Variants in IFT20 observed in about 807,000 individuals in gnomAD.
IFT20 encodes intraflagellar transport 20.
A neutral mutation model predicts 16.9 loss-of-function variants in IFT20; 4 were observed. That is an observed-to-expected ratio of 0.24 (90% CI 0.12 to 0.54). The LOEUF (loss-of-function observed/expected upper bound fraction) is 0.54. Ranked by LOEUF, IFT20 falls within the 20% of genes least tolerant of loss-of-function variation. The pLI is 0.95. For synonymous variants in IFT20, 48 were observed against 49.9 expected (o/e 0.96, Z 0.16); for missense variants, 154 against 149.7 (o/e 1.03, Z -0.15).
chr17:28,329,412 G>C (rs1180087507), intron 3 of IFT20, 136 bp from the exon 4 acceptor site: 1 of 671,666 alleles, frequency 1.5e-6, no homozygotes, highest in Non-Finnish European at 2.6e-6. Context: ...AAGCTTTTGG[G>C]TTAAGTCAGA....
At chr17:28,329,507 C>G (rs1906588775) in intron 3 of IFT20, 1 of 485,064 alleles carries the variant, frequency 2.1e-6, no homozygotes, top group Non-Finnish European at 3.7e-6. Context: ...GAGCCAGGGA[C>G]ACAGGCACAA....
At chr17:28,332,969 CAG>C (rs1906886295) in intron 1 of IFT20, among the ~76,000 whole-genome samples, 2 of 152,014 alleles carry the variant, frequency 1.3e-5, no homozygotes, top group Admixed American at 6.6e-5. Context: ...AGAGAACTAA[CAG>C]AGATATCTTC....
chr17:28,330,676 A>T (rs1906718059), intron 2 of IFT20, 148 bp from the exon 3 acceptor site: 1 of 625,050 alleles, frequency 1.6e-6, no homozygotes, highest in East Asian at 2.8e-5. Flanking sequence ...GGTGGAGAGC[A>T]ACTGTAGTCC....
chr17:28,331,523 G>T, intron 2 of IFT20: 1 of 220,058 alleles, frequency 4.5e-6, no homozygotes, highest in Non-Finnish European at 9.0e-6. Flanking sequence ...TTTCTCTGAA[G>T]AAATCAAATC....
chr17:28,332,414 CCA>C, intron 1 of IFT20: 1 of 508,490 alleles, frequency 2.0e-6, no homozygotes, highest in South Asian at 2.1e-5. Flanking sequence ...AACTGAAAAA[CCA>C]CACTGCGTTA....
intron 1 of IFT20, chr17:28,332,357 C>T: frequency 1.4e-6 from 1 of 690,470 alleles, no homozygotes; most frequent in Non-Finnish European, 2.4e-6. Flanking sequence ...CAACACGGTG[C>T]CCGCCCTGAA....
chr17:28,330,561 C>A, intron 2 of IFT20, 33 bp from the exon 3 acceptor site: 1 of 1,423,814 alleles, frequency 7.0e-7, no homozygotes, highest in Admixed American at 1.7e-5. Context: ...TAAAATATTT[C>A]CTTAGTATCA....
In IFT20 at chr17:28,328,415, C is replaced by A; in HGVS notation, c.*237G>T. On this transcript the variant is annotated 3_prime_UTR_variant, in exon 5 of 5. Transcript: ENST00000395418. ...TGAAAGTTTACAAACTGCTTAGTTC[C>A]AACTAAGCATAAGAGGTGAGAACGT... 1 of 435,480 alleles carries A rather than the reference C, an allele frequency of 2.3e-6. No homozygotes were observed. The highest frequency in any genetic ancestry group is 4.1e-6 in the Non-Finnish European group (1 of 246,234). 27.0% of individuals were successfully genotyped at this position (435,480 alleles called of 1,614,324 possible).
chr17:28,334,982 G>A (rs922077582), intron 1 of IFT20, among the ~76,000 whole-genome samples: 1 of 151,994 alleles, frequency 6.6e-6, no homozygotes, highest in African/African-American at 2.4e-5. Context: ...CCCATCACAC[G>A]CGTGTCTGAG....
At position 28,330,490 on chromosome 17, in the gene IFT20, CAATT is replaced by C; in HGVS notation, c.162_165del (p.Ile55SerfsTer15). Reference sequence around the variant, plus strand: ...TCTTTTGCAAGTTGATCAACAAGCTCAATTAAACCACCAACTATTTTCTGAAACT... The same window carrying C: ...TCTTTTGCAAGTTGATCAACAAGCTCAAACCACCAACTATTTTCTGAAACT... On this transcript the variant is annotated frameshift_variant, in exon 3 of 5. Coordinates refer to ENST00000395418, the MANE Select transcript of IFT20 (RefSeq NM_001267776.2). LOFTEE classifies it high-confidence loss of function. 1 of 1,613,714 alleles carries C rather than the reference CAATT, an allele frequency of 6.2e-7. No homozygotes were observed.
In IFT20 at chr17:28,329,205, G is replaced by C. The variant is rs200062138; in HGVS notation, c.285C>G (p.Ala95=). 3.5e-5 allele frequency: 57 copies of C among 1,613,934 alleles called. No individual in the cohort carries two copies. In the East Asian group the frequency reaches 1.2e-3, roughly 35 times the overall value. ...GCTGCATTTTCTTTTCTGCTATTAG[G>C]GCTTGAAGTTGCTGCTGTTGAGCTT... The part of the protein sequence containing the change: ...QREAQQQQLQ[A]LIAEKKMQLE... Residue 95 remains alanine (A), a synonymous_variant, in exon 4 of 5, where the codon GCC becomes GCG. Transcript: ENST00000395418.
At chr17:28,332,219 CATAGG>C (rs1555576697) in intron 1 of IFT20, 1 of 1,536,162 alleles carries the variant, frequency 6.5e-7, no homozygotes. Flanking sequence ...GGAGGTGTGT[CATAGG>C]AGCAAGGGTC....
intron 1 of IFT20, among the ~76,000 whole-genome samples, chr17:28,334,155 G>A (rs1283564624): frequency 3.3e-5 from 5 of 152,176 alleles, no homozygotes; most frequent in Non-Finnish European, 7.3e-5. Context: ...ATCACAAATC[G>A]TGATATTACT....
chr17:28,333,700 G>A (rs1383865945), intron 1 of IFT20, among the ~76,000 whole-genome samples: 1 of 152,226 alleles, frequency 6.6e-6, no homozygotes, highest in Non-Finnish European at 1.5e-5. Context: ...GGAGACTGAG[G>A]TGGGAGGATC....
chr17:28,328,554 G>A lies in IFT20; in HGVS notation c.*98C>T. On this transcript the variant is annotated 3_prime_UTR_variant, in exon 5 of 5. Coordinates refer to ENST00000395418, the MANE Select transcript of IFT20 (RefSeq NM_001267776.2). ...CTTACACGCCACCTCTTGTGACATAGGTCATTGGTCAAGCCGCTGGAATGC... is the reference window on the plus strand; with the variant it reads ...CTTACACGCCACCTCTTGTGACATAAGTCATTGGTCAAGCCGCTGGAATGC... 1.3e-6 allele frequency: 1 copy of A among 748,232 alleles called. No homozygotes were observed. 46.3% of individuals were successfully genotyped at this position (748,232 alleles called of 1,614,324 possible).
chr17:28,328,588 T>G lies in IFT20; in HGVS notation c.*64A>C. On this transcript the variant is annotated 3_prime_UTR_variant, in exon 5 of 5. Coordinates refer to ENST00000395418, the MANE Select transcript of IFT20 (RefSeq NM_001267776.2). ...TCAAGCCGCTGGAATGCTACAGAGG[T>G]TTTTTTGGTTTTGAGAGGCTTTTTT... 9.8e-7 allele frequency: 1 copy of G among 1,023,032 alleles called. No homozygotes were observed. 63.4% of individuals were successfully genotyped at this position (1,023,032 alleles called of 1,614,324 possible). A position where few individuals can be genotyped will look rare whatever the true frequency, so the allele number is the denominator to read the frequency against.
At chr17:28,331,703 G>A (rs1567781317) in intron 2 of IFT20, 156 bp downstream of exon 2, 3 of 847,526 alleles carry the variant, frequency 3.5e-6, no homozygotes, top group Middle Eastern at 3.3e-4. Flanking sequence ...GAGCACAAGA[G>A]GGCAGACAGA....
At chr17:28,330,346 C>G in intron 3 of IFT20, 97 bp downstream of exon 3, 1 of 873,068 alleles carries the variant, frequency 1.1e-6, no homozygotes. Context: ...CCACCCAGCC[C>G]TCTACCCCTC....
chr17:28,328,823 G>T (rs1906511725), intron 4 of IFT20, 90 bp from the exon 5 acceptor site: 3 of 837,822 alleles, frequency 3.6e-6, no homozygotes, highest in Non-Finnish European at 6.0e-6. Context: ...AGGTTTAAAT[G>T]ATTTCAAGAA....
Sources: allele counts gnomAD v4.1 joint callset (sites outside exome capture counted in the v4.1 genomes callset), GRCh38; gene constraint gnomAD v4.1.1; transcripts MANE v1.5; gene names NCBI Gene and HGNC (gene_info 2026-07-23, HGNC 2026-07-21).